ACO1: variants seen among roughly 807,000 people sequenced by gnomAD.
The protein encoded by ACO1 is aconitase 1.
ACO1 carries 78 observed loss-of-function variants against 105.1 expected under a neutral mutation model. The observed-to-expected ratio is 0.74, with a 90% CI of 0.62 to 0.90. ACO1 has a LOEUF of 0.90. ACO1 is among the 40% of genes least tolerant of loss of function. The pLI is 0.00. For missense variants in ACO1, 965 were observed against 1,111.1 expected (o/e 0.87, Z 1.87); for synonymous variants, 364 against 397.4 (o/e 0.92, Z 1.00).
At chr9:32,406,924 C>A (rs1012412677) in intron 2 of ACO1, among the ~76,000 whole-genome samples, 1 of 152,210 alleles carries the variant, frequency 6.6e-6, no homozygotes, top group African/African-American at 2.4e-5. Flanking sequence ...GCTGGGACTA[C>A]AGGCACACGC....
Position 32,440,473 on chromosome 9 carries a change from GT to G in ACO1, c.2259del (p.Phe753LeufsTer14), listed in dbSNP as rs769511414. On this transcript the variant is annotated frameshift_variant, in exon 19 of 21. Transcript: ENST00000309951. LOFTEE classifies it high-confidence loss of function. Reference protein sequence around the residue: ...HLPSGEILDVFDAAERYQQAG... With the variant: ...HLPSGEILDVXDAAERYQQAG... The stretch of plus-strand genomic sequence containing the variant: ...CCTTTTCTCTTCCTCAGCTTGATGT[GT>G]TTGATGCTGCTGAGCGGTACCAGCA... 2 of 1,613,860 alleles carry G rather than the reference GT, an allele frequency of 1.2e-6. No homozygotes were observed.
chr9:32,394,401 G>T (rs1821328118), intron 1 of ACO1, among the ~76,000 whole-genome samples: 1 of 152,236 alleles, frequency 6.6e-6, no homozygotes, highest in Admixed American at 6.5e-5. Context: ...TCTGAAGGAG[G>T]ATGGGGACTT....
At position 32,425,978 on chromosome 9, in the gene ACO1, G is replaced by A. The variant is rs112535632; in HGVS notation, c.1329G>A (p.Pro443=). 4.0e-4 allele frequency: 648 copies of A among 1,613,686 alleles called. 3 individuals are homozygous for A. The African/African-American group carries it at 5.0e-3, about 12-fold the overall frequency. ...CTAGCTGCACAAACACCAGTAATCC[G>A]TCTGTGATGTTAGGGGCAGGTAAGT... ...AITSCTNTSN[P]SVMLGAGLLA... The change falls in exon 11 of 21, where the codon CCG becomes CCA. Residue 443 remains proline, a synonymous_variant. Coordinates refer to ENST00000309951, the MANE Select transcript of ACO1 (RefSeq NM_002197.3).
rs760856294 is a variant in ACO1, at chr9:32,448,930, G to A, written c.2405G>A (p.Arg802His). 9.9e-6 allele frequency: 16 copies of A among 1,614,198 alleles called. No individual in the cohort carries two copies. Among genetic ancestry groups the A allele is most frequent in the Admixed American group, 3.3e-5 (2 of 60,030 alleles). ...IKAVLAESYE[R>H]IHRSNLVGMG... ...GCCGTCCTGGCCGAGAGCTACGAGC[G>A]CATTCACCGCAGTAACCTGGTTGGG... The change falls in exon 20 of 21, where the codon CGC becomes CAC. Residue 802 changes from arginine (R) to histidine (H), a missense_variant. Arg to His is a conservative substitution (Grantham distance 29). Transcript: ENST00000309951.
chr9:32,450,411 T>A lies in ACO1; in HGVS notation c.*300T>A, dbSNP rs1822737244. On this transcript the variant is annotated 3_prime_UTR_variant, in exon 21 of 21. Transcript: ENST00000309951. ...AAAGTTACTGATCACAGGACGTTGC[T>A]TTTTCACTGTTTCCTATTAATCTTC... 2.4e-6 allele frequency: 1 copy of A among 412,136 alleles called. No homozygotes were observed. Among genetic ancestry groups the A allele is most frequent in the African/African-American group, 2.0e-5 (1 of 48,956 alleles). 25.5% of individuals were successfully genotyped at this position (412,136 alleles called of 1,614,324 possible).
intron 16 of ACO1, 30 bp downstream of exon 16, chr9:32,433,862 A>G (rs1246126867): frequency 1.1e-5 from 16 of 1,511,580 alleles, no homozygotes; most frequent in Non-Finnish European, 1.4e-5. Flanking sequence ...AACAAAATGA[A>G]TTCTTTGAAG....
At chr9:32,442,258 G>A (rs10970978) in intron 19 of ACO1, among the ~76,000 whole-genome samples, 134,335 of 151,928 alleles carry the variant, frequency 0.88, 59,490 homozygotes, top group East Asian at 0.93. Flanking sequence ...TCTCAAAATT[G>A]TAAGAATCAC....
At chr9:32,434,348 C>T (rs1006826181) in intron 16 of ACO1, among the ~76,000 whole-genome samples, 17 of 152,318 alleles carry the variant, frequency 1.1e-4, no homozygotes, top group Middle Eastern at 6.8e-3. Flanking sequence ...CAGTATTTTA[C>T]CTTTTCTTCA....
At chr9:32,403,060 T>A (rs1821532371) in intron 1 of ACO1, among the ~76,000 whole-genome samples, 1 of 152,162 alleles carries the variant, frequency 6.6e-6, no homozygotes, top group Non-Finnish European at 1.5e-5. Flanking sequence ...GGATTTCCCA[T>A]GACTTTCCCA....
At chr9:32,409,184 T>C (rs558938874) in intron 4 of ACO1, among the ~76,000 whole-genome samples, 22 of 152,228 alleles carry the variant, frequency 1.4e-4, no homozygotes, top group Non-Finnish European at 3.2e-4. Context: ...AATCTTATTC[T>C]GTTAGGAATC....
At chr9:32,395,340 G>T (rs1163084473) in intron 1 of ACO1, among the ~76,000 whole-genome samples, 2 of 152,174 alleles carry the variant, frequency 1.3e-5, no homozygotes, top group East Asian at 3.9e-4. Flanking sequence ...GCCAGGCGTG[G>T]TGGTGGGCAC....
Position 32,429,387 on chromosome 9 carries a change from T to G in ACO1, c.1485-32T>G, listed in dbSNP as rs201633256. The G allele has an allele frequency of 6.7e-4, 1,078 of 1,599,808 alleles. 5 individuals are homozygous for G. The African/African-American group carries it at 8.0e-3, about 12-fold the overall frequency. On this transcript the variant is annotated intron_variant, in intron 12 of 20. Coordinates refer to ENST00000309951, the MANE Select transcript of ACO1 (RefSeq NM_002197.3). ...GGGCTCACTGAAAGTTATTCTTTTT[T>G]TGTGTGTGTGTGCTTCTCTCTTGGT...
rs202221331 is a variant in ACO1 at position 32,415,801 on chromosome 9, CTT to C, written c.405-2323_405-2322del. On this transcript the variant is annotated intron_variant, in intron 4 of 20. Transcript: ENST00000309951. ...ATTCACTCAGGCAGGGATCAGCAGA[CTT>C]TTTCTAGAAAGGGCCAATAGCAAAT... 8.7e-3 allele frequency among the ~76,000 whole-genome samples: 1,325 copies of C among 152,272 alleles called. 9 individuals carry two copies. The highest frequency in any genetic ancestry group is 0.013 in the Non-Finnish European group (918 of 68,018).
intron 1 of ACO1, among the ~76,000 whole-genome samples, chr9:32,393,766 G>A (rs1405914377): frequency 6.6e-6 from 1 of 152,108 alleles, no homozygotes; most frequent in Non-Finnish European, 1.5e-5. Flanking sequence ...AGGGAAAATA[G>A]AAAAGAACCT....
At chr9:32,422,595 C>T (rs966219493) in intron 8 of ACO1, among the ~76,000 whole-genome samples, 2 of 152,120 alleles carry the variant, frequency 1.3e-5, no homozygotes, top group Non-Finnish European at 2.9e-5. Flanking sequence ...TCTCCTACCC[C>T]GGGATCTTGA....
At chr9:32,436,151 A>G (rs571398223) in intron 17 of ACO1, 99 bp from the exon 18 acceptor site, 45 of 1,464,190 alleles carry the variant, frequency 3.1e-5, no homozygotes, top group South Asian at 2.1e-4. Flanking sequence ...AGCCAGGTCT[A>G]TGTTTTGTTT....
At chr9:32,436,816 C>A (rs142647831) in intron 18 of ACO1, among the ~76,000 whole-genome samples, 6 of 152,284 alleles carry the variant, frequency 3.9e-5, no homozygotes, top group Non-Finnish European at 8.8e-5. Context: ...CTAATGGGAG[C>A]ACTGTGGTCA....
chr9:32,414,600 T>TG (rs142544230), intron 4 of ACO1, among the ~76,000 whole-genome samples: 4,282 of 152,294 alleles, frequency 0.028, 105 homozygotes, highest in Middle Eastern at 0.061. Flanking sequence ...CAGCATTTTC[T>TG]GGGGTAAACA....
chr9:32,426,162 A>T (rs969222670), intron 11 of ACO1, among the ~76,000 whole-genome samples, 165 bp downstream of exon 11: 2 of 152,242 alleles, frequency 1.3e-5, no homozygotes, highest in African/African-American at 4.8e-5. Context: ...AATAAATAGT[A>T]TCCAAAGCAA....
Sources: gnomAD v4.1 joint callset for allele counts (sites outside exome capture counted in the v4.1 genomes callset) on GRCh38, gnomAD v4.1.1 for gene constraint, MANE v1.5 for transcripts, NCBI Gene and HGNC (gene_info 2026-07-23, HGNC 2026-07-21) for gene names.